The following ESRP1 variants were observed in gnomAD, a reference collection of about 807,000 sequenced individuals.
The protein encoded by ESRP1 is RNA-binding motif protein 35A.
Under a neutral mutation model 81.7 loss-of-function variants are expected in ESRP1, and 33 were observed. The observed-to-expected ratio is 0.40, with a 90% CI of 0.31 to 0.54. ESRP1 has a LOEUF of 0.54. Among genes scored for constraint, ESRP1 ranks in the 20% least tolerant of loss-of-function variants. The probability of loss-of-function intolerance (pLI) is 0.41; values close to 1 mark genes in which losing one functional copy is unlikely to be tolerated. For missense variants in ESRP1, 672 were observed against 833.1 expected (o/e 0.81, Z 2.38); for synonymous variants, 320 against 303.3 (o/e 1.06, Z -0.57).
intron 15 of ESRP1, among the ~76,000 whole-genome samples, chr8:94,703,179 A>G (rs1449427363): frequency 6.8e-6 from 1 of 146,894 alleles, no homozygotes; most frequent in Non-Finnish European, 1.5e-5. Flanking sequence ...TTGTTGAGAC[A>G]GAGTCTTGCT....
Position 94,642,093 on chromosome 8 carries a change from C to T in ESRP1, c.261+9C>T. On this transcript the variant is annotated intron_variant, in intron 2 of 15. Transcript: ENST00000433389. ...ACCAAGCCCTCCGACAGGTGACAACCCCGGGTCACGCCACCCACCCCAGCC... is the reference window on the plus strand; with the variant it reads ...ACCAAGCCCTCCGACAGGTGACAACTCCGGGTCACGCCACCCACCCCAGCC... 6.2e-7 allele frequency: 1 copy of T among 1,608,948 alleles called. No homozygotes were observed. The highest frequency in any genetic ancestry group is 8.5e-7 in the Non-Finnish European group (1 of 1,179,386).
At chr8:94,704,203 G>T in intron 15 of ESRP1, among the ~76,000 whole-genome samples, 2 of 128,356 alleles carry the variant, frequency 1.6e-5, no homozygotes. Context: ...CTAGCAGTTA[G>T]GAGTCTTCAG....
chr8:94,644,345 A>G (rs1212091110), intron 3 of ESRP1, among the ~76,000 whole-genome samples: 1 of 152,152 alleles, frequency 6.6e-6, no homozygotes, highest in Non-Finnish European at 1.5e-5. Flanking sequence ...AAGGCTTGCA[A>G]TGAAAGATGT....
At chr8:94,658,140 G>A (rs533516622) in intron 4 of ESRP1, among the ~76,000 whole-genome samples, 2 of 152,272 alleles carry the variant, frequency 1.3e-5, no homozygotes, top group South Asian at 4.1e-4. Flanking sequence ...TCGAACTCCT[G>A]ACCTCCAAGT....
At chr8:94,664,632 G>A in intron 6 of ESRP1, 65 bp from the exon 7 acceptor site, 1 of 1,134,928 alleles carries the variant, frequency 8.8e-7, no homozygotes, top group Non-Finnish European at 1.3e-6. Context: ...TTGTCTTGCA[G>A]GGGGTAATAG....
At chr8:94,680,274 T>A (rs1808821677) in intron 13 of ESRP1, among the ~76,000 whole-genome samples, 1 of 152,190 alleles carries the variant, frequency 6.6e-6, no homozygotes, top group South Asian at 2.1e-4. Context: ...AGTGTGTTAT[T>A]TTATTTTACA....
At chr8:94,664,650 A>G in intron 6 of ESRP1, 47 bp from the exon 7 acceptor site, 1 of 1,410,672 alleles carries the variant, frequency 7.1e-7, no homozygotes, top group Non-Finnish European at 1.0e-6. Context: ...TAGGTGTCTG[A>G]CTTGCTAGCA....
In ESRP1 at chr8:94,699,952, C is replaced by T. The variant is rs899456822; in HGVS notation, c.*35+2991C>T. ...TCAATATCAAATTCATTATCATAAC[C>T]GAGTGGCTCATGTTCTTATAAGTAC... On this transcript the variant is annotated intron_variant, in intron 15 of 15. Transcript: ENST00000433389. 9.2e-5 allele frequency among the ~76,000 whole-genome samples: 14 copies of T among 152,126 alleles called. No homozygotes were observed. In the South Asian group the frequency reaches 1.0e-3, roughly 11 times the overall value.
intron 13 of ESRP1, among the ~76,000 whole-genome samples, chr8:94,683,867 A>T (rs1809025857): frequency 6.6e-6 from 1 of 152,200 alleles, no homozygotes; most frequent in African/African-American, 2.4e-5. Context: ...AATGGCTTTC[A>T]GGGAGGAAAT....
chr8:94,676,574 G>A (rs4596617), intron 12 of ESRP1, among the ~76,000 whole-genome samples: 23,336 of 151,606 alleles, frequency 0.15, 2,337 homozygotes, highest in Non-Finnish European at 0.22. Context: ...GTCTTGGCTC[G>A]CTGCAACCTC....
intron 11 of ESRP1, among the ~76,000 whole-genome samples, chr8:94,673,448 G>C (rs1454959857): frequency 6.6e-6 from 1 of 152,084 alleles, no homozygotes; most frequent in Non-Finnish European, 1.5e-5. Flanking sequence ...TAACTTGCAT[G>C]GTAATAATTT....
At position 94,651,305 on chromosome 8, in the gene ESRP1, G is replaced by A. The variant is rs114438861; in HGVS notation, c.490+5023G>A. ...GCTCAGGCTGGAGTGCATTGGTGCTGTAATGCTATCGTGGCTCACTGTGGC... is the reference window on the plus strand; with the variant it reads ...GCTCAGGCTGGAGTGCATTGGTGCTATAATGCTATCGTGGCTCACTGTGGC... On this transcript the variant is annotated intron_variant, in intron 4 of 15. Transcript: ENST00000433389. Among the ~76,000 whole-genome samples, 1,197 of 131,792 alleles carry A rather than the reference G, an allele frequency of 9.1e-3. 16 individuals are homozygous for A. Among genetic ancestry groups the A allele is most frequent in the African/African-American group, 0.032 (1,102 of 34,510 alleles). 86.5% of individuals were successfully genotyped at this position (131,792 alleles called of 152,430 possible). A position where few individuals can be genotyped will look rare whatever the true frequency, so the allele number is the denominator to read the frequency against.
At chr8:94,676,267 G>A (rs1302470712) in intron 12 of ESRP1, among the ~76,000 whole-genome samples, 1 of 150,600 alleles carries the variant, frequency 6.6e-6, no homozygotes, top group African/African-American at 2.4e-5. Flanking sequence ...CAGGAGAATT[G>A]CTTGATCACG....
chr8:94,656,608 C>CT (rs1389217267), intron 4 of ESRP1, among the ~76,000 whole-genome samples: 1 of 152,202 alleles, frequency 6.6e-6, no homozygotes, highest in East Asian at 1.9e-4. Context: ...AAACTTTTCT[C>CT]TTTTTTTCTT....
chr8:94,669,123 T>TTAG (rs1438751264), intron 10 of ESRP1, among the ~76,000 whole-genome samples: 2 of 152,166 alleles, frequency 1.3e-5, no homozygotes, highest in Non-Finnish European at 2.9e-5. Flanking sequence ...AGGCAATCAC[T>TTAG]TCCTCAAAAT....
intron 4 of ESRP1, among the ~76,000 whole-genome samples, chr8:94,654,796 A>G (rs186158875): frequency 1.1e-4 from 16 of 151,986 alleles, no homozygotes; most frequent in African/African-American, 3.9e-4. Context: ...GCTTAAAAAT[A>G]AGCACACTCC....
chr8:94,680,792 G>A (rs779057638), intron 13 of ESRP1, among the ~76,000 whole-genome samples: 38 of 152,248 alleles, frequency 2.5e-4, no homozygotes, highest in Non-Finnish European at 5.0e-4. Context: ...ACTTTGTTAT[G>A]TAAATGCTCA....
intron 15 of ESRP1, among the ~76,000 whole-genome samples, chr8:94,697,944 C>CT (rs1049091121): frequency 5.3e-4 from 80 of 151,242 alleles, no homozygotes; most frequent in East Asian, 1.6e-3. Flanking sequence ...CCATGCCTGG[C>CT]TTTTTTTTTG....
At chr8:94,660,448 C>A (rs539885722) in intron 4 of ESRP1, among the ~76,000 whole-genome samples, 1 of 151,276 alleles carries the variant, frequency 6.6e-6, no homozygotes, top group African/African-American at 2.4e-5. Flanking sequence ...CTAAAAAATA[C>A]AAAAATGAGG....
Sources: allele counts gnomAD v4.1 joint callset (sites outside exome capture counted in the v4.1 genomes callset), GRCh38; gene constraint gnomAD v4.1.1; transcripts MANE v1.5; gene names NCBI Gene and HGNC (gene_info 2026-07-23, HGNC 2026-07-21).